Variants in RPRD1A observed in about 807,000 individuals in gnomAD.
RPRD1A encodes regulation of nuclear pre-mRNA domain containing 1A.
A neutral mutation model predicts 37.8 loss-of-function variants in RPRD1A; 9 were observed. That is an observed-to-expected ratio of 0.24 (90% confidence interval 0.14 to 0.42). RPRD1A has a LOEUF of 0.42. RPRD1A is among the 10% of genes least tolerant of loss of function. The pLI is 1.00. For synonymous variants in RPRD1A, 138 were observed against 139.7 expected (o/e 0.99, Z 0.08); for missense variants, 255 against 371.0 (o/e 0.69, Z 2.57).
chr18:36,032,048 T>C (rs894967258), intron 2 of RPRD1A, among the ~76,000 whole-genome samples: 5 of 152,216 alleles, frequency 3.3e-5, no homozygotes, highest in Non-Finnish European at 7.3e-5. Context: ...AAATGGCTCA[T>C]TTCACCCCTT....
chr18:36,018,654 T>C (rs1314483648), intron 6 of RPRD1A, among the ~76,000 whole-genome samples: 2 of 152,152 alleles, frequency 1.3e-5, no homozygotes, highest in Non-Finnish European at 2.9e-5. Context: ...ACTCTAAGCA[T>C]TGAGGGCATG....
intron 1 of RPRD1A, among the ~76,000 whole-genome samples, chr18:36,037,098 C>T (rs1055950459): frequency 1.1e-4 from 16 of 152,158 alleles, no homozygotes; most frequent in Non-Finnish European, 4.4e-5. Flanking sequence ...GATGATAGGT[C>T]ACATCACTAA....
At chr18:35,994,189 A>G (rs1908881322) in intron 6 of RPRD1A, among the ~76,000 whole-genome samples, 1 of 152,226 alleles carries the variant, frequency 6.6e-6, no homozygotes, top group South Asian at 2.1e-4. Flanking sequence ...AGATATGTCC[A>G]TGGCAATTCA....
chr18:36,060,213 C>T (rs994748755), intron 1 of RPRD1A, among the ~76,000 whole-genome samples: 3 of 152,222 alleles, frequency 2.0e-5, no homozygotes, highest in Admixed American at 6.5e-5. Context: ...GGGCGGATCA[C>T]GAGGTCAGGA....
intron 6 of RPRD1A, 38 bp from the exon 7 acceptor site, chr18:35,993,338 T>C: frequency 1.2e-6 from 2 of 1,608,556 alleles, no homozygotes; most frequent in Non-Finnish European, 1.7e-6. Flanking sequence ...ATTCAGGGAT[T>C]GAAAAAACTT....
chr18:36,029,906 C>T (rs557600941), intron 4 of RPRD1A, among the ~76,000 whole-genome samples: 5 of 151,504 alleles, frequency 3.3e-5, no homozygotes, highest in African/African-American at 4.8e-5. Flanking sequence ...CCCAGGTTCA[C>T]GCCATTCTCC....
intron 6 of RPRD1A, among the ~76,000 whole-genome samples, chr18:35,995,577 A>G (rs1368870290): frequency 6.6e-6 from 1 of 152,120 alleles, no homozygotes; most frequent in African/African-American, 2.4e-5. Context: ...CTTGTCTCCA[A>G]GTTCTTATAA....
At chr18:36,041,369 T>C (rs1002306994) in intron 1 of RPRD1A, among the ~76,000 whole-genome samples, 10 of 152,264 alleles carry the variant, frequency 6.6e-5, no homozygotes, top group South Asian at 2.1e-4. Context: ...TTAAGTCCTA[T>C]TGCAGTAATC....
At chr18:36,048,854 T>C (rs890863620) in intron 1 of RPRD1A, among the ~76,000 whole-genome samples, 2 of 152,156 alleles carry the variant, frequency 1.3e-5, no homozygotes, top group South Asian at 4.1e-4. Context: ...TATTTGCAGA[T>C]GACATGATTA....
chr18:36,039,217 C>T (rs1425602281), intron 1 of RPRD1A, among the ~76,000 whole-genome samples: 1 of 152,124 alleles, frequency 6.6e-6, no homozygotes, highest in Admixed American at 6.5e-5. Context: ...TGGTGGGTGC[C>T]ATGACTGTAA....
chr18:36,051,123 G>A (rs1247268427), intron 1 of RPRD1A, among the ~76,000 whole-genome samples: 1 of 152,024 alleles, frequency 6.6e-6, no homozygotes, highest in Non-Finnish European at 1.5e-5. Context: ...GTTGTTCAAT[G>A]GAAAACTGTA....
chr18:35,992,072 TG>T lies in RPRD1A; in HGVS notation c.*1078del, dbSNP rs1908747814. 2 of 152,760 alleles carry T rather than the reference TG, an allele frequency of 1.3e-5. No individual in the cohort carries two copies. Among genetic ancestry groups the T allele is most frequent in the East Asian group, 3.9e-4 (2 of 5,182 alleles). 9.5% of individuals were successfully genotyped at this position (152,760 alleles called of 1,614,324 possible). ...ATAAAAGGTAAAAGTACATTTGTTT[TG>T]TAACTGTAAATATACAAATATAAAA... On this transcript the variant is annotated 3_prime_UTR_variant, in exon 7 of 7. Transcript: ENST00000399022.
chr18:36,051,548 T>C (rs1913395848), intron 1 of RPRD1A, among the ~76,000 whole-genome samples: 1 of 152,164 alleles, frequency 6.6e-6, no homozygotes, highest in Non-Finnish European at 1.5e-5. Context: ...CTTCCAATTC[T>C]AAAACCCTCA....
At chr18:36,029,836 C>G (rs1175122943) in intron 4 of RPRD1A, among the ~76,000 whole-genome samples, 1 of 150,334 alleles carries the variant, frequency 6.7e-6, no homozygotes, top group Non-Finnish European at 1.5e-5. Flanking sequence ...GACGGAGTCT[C>G]GCTCTGTCAC....
In RPRD1A at chr18:36,067,551, C is replaced by T. The variant is rs1050746154; in HGVS notation, c.-147G>A. 5 of 750,276 alleles carry T rather than the reference C, an allele frequency of 6.7e-6. No homozygotes were observed. Among genetic ancestry groups the T allele is most frequent in the Non-Finnish European group, 1.0e-5 (5 of 491,000 alleles). 46.5% of individuals were successfully genotyped at this position (750,276 alleles called of 1,614,324 possible). ...GCTTCATCCAAGACCGGCCGCAAACCAGCAAGATGGCGTCCGGCCGGCAGT... is the reference window on the plus strand; with the variant it reads ...GCTTCATCCAAGACCGGCCGCAAACTAGCAAGATGGCGTCCGGCCGGCAGT... On this transcript the variant is annotated 5_prime_UTR_variant, in exon 1 of 7. Coordinates refer to ENST00000399022, the MANE Select transcript of RPRD1A (RefSeq NM_018170.5).
Position 36,007,608 on chromosome 18 carries a change from C to G in RPRD1A, c.790-14308G>C, listed in dbSNP as rs150072959. On this transcript the variant is annotated intron_variant, in intron 6 of 6. Coordinates refer to ENST00000399022, the MANE Select transcript of RPRD1A (RefSeq NM_018170.5). ...GAAGTTGATAAAAATGAGATCACCA[C>G]CAAAATCAACATCATAATTTCCAGA... 1.5e-3 allele frequency among the ~76,000 whole-genome samples: 222 copies of G among 152,188 alleles called. 5 individuals carry two copies. In the East Asian group the frequency reaches 0.028, roughly 19 times the overall value.
At chr18:36,020,102 G>A (rs1292610993) in intron 6 of RPRD1A, among the ~76,000 whole-genome samples, 1 of 152,182 alleles carries the variant, frequency 6.6e-6, no homozygotes, top group Admixed American at 6.5e-5. Flanking sequence ...GAGGACAGCT[G>A]CAACAGGAAA....
At chr18:36,014,584 C>CA (rs1021508237) in intron 6 of RPRD1A, among the ~76,000 whole-genome samples, 13 of 152,062 alleles carry the variant, frequency 8.5e-5, no homozygotes, top group Admixed American at 1.3e-4. Context: ...ACTAAAAATA[C>CA]AAAAAACAAT....
At position 36,026,969 on chromosome 18, in the gene RPRD1A, G is replaced by A. The variant is rs759611826; in HGVS notation, c.720C>T (p.Leu240=). 2.3e-5 allele frequency: 37 copies of A among 1,613,850 alleles called. No individual in the cohort carries two copies. In the South Asian group the frequency reaches 4.0e-4, roughly 17 times the overall value. ...GAAGAAAATCTGCTAACATTCGAGTGAGTTGCTTTCTATCATCTATTTCTG... is the reference window on the plus strand; with the variant it reads ...GAAGAAAATCTGCTAACATTCGAGTAAGTTGCTTTCTATCATCTATTTCTG... ...LAAEIDDRKQ[L]TRMLADFLRC... Residue 240 remains leucine, a synonymous_variant, in exon 6 of 7, where the codon CTC becomes CTT. Coordinates refer to ENST00000399022, the MANE Select transcript of RPRD1A (RefSeq NM_018170.5).
Sources: allele counts gnomAD v4.1 joint callset (sites outside exome capture counted in the v4.1 genomes callset), GRCh38; gene constraint gnomAD v4.1.1; transcripts MANE v1.5; gene names NCBI Gene and HGNC (gene_info 2026-07-23, HGNC 2026-07-21).